Variants in CNTN4 observed in about 807,000 individuals in gnomAD.
The protein encoded by CNTN4 is contactin-4.
CNTN4 carries 77 observed loss-of-function variants against 122.5 expected under a neutral mutation model. The ratio of observed to expected loss-of-function variants is 0.63; its 90% CI spans 0.52 to 0.76. The LOEUF (loss-of-function observed/expected upper bound fraction) is 0.76, where lower values mean the gene tolerates loss of function less well. Among genes scored for constraint, CNTN4 ranks in the 30% least tolerant of loss-of-function variants. The probability of loss-of-function intolerance (pLI) is 0.00; values close to 1 mark genes in which losing one functional copy is unlikely to be tolerated. For synonymous variants in CNTN4, 512 were observed against 447.0 expected (o/e 1.15, Z -1.83); for missense variants, 1,256 against 1,259.1 (o/e 1.00, Z 0.04).
At chr3:2,473,463 C>T (rs1013970454) in intron 3 of CNTN4, among the ~76,000 whole-genome samples, 8 of 152,144 alleles carry the variant, frequency 5.3e-5, no homozygotes, top group African/African-American at 1.7e-4. Context: ...TGCTAGCCAC[C>T]TGTGTCTGTT....
chr3:2,846,024 A>G (rs548880907), intron 7 of CNTN4, among the ~76,000 whole-genome samples: 2 of 152,344 alleles, frequency 1.3e-5, no homozygotes, highest in South Asian at 4.1e-4. Flanking sequence ...TTCCTTAAGA[A>G]GGTGTGGGAG....
chr3:2,774,398 C>T lies in CNTN4; in HGVS notation c.358+28701C>T, dbSNP rs116812447. On this transcript the variant is annotated intron_variant, in intron 6 of 24. Coordinates refer to ENST00000418658, the MANE Select transcript of CNTN4 (RefSeq NM_175607.3). ...CCGCCATTGTTCCTTCTCTCTTCCA[C>T]GTCACTTTTATGTTATGGTATCTCA... 2.9e-3 allele frequency among the ~76,000 whole-genome samples: 445 copies of T among 152,264 alleles called. 1 individual carries two copies. The highest frequency in any genetic ancestry group is 0.01 in the African/African-American group (429 of 41,552).
intron 3 of CNTN4, among the ~76,000 whole-genome samples, chr3:2,427,446 A>T (rs1007804793): frequency 6.6e-6 from 1 of 152,150 alleles, no homozygotes; most frequent in African/African-American, 2.4e-5. Flanking sequence ...ACAGTTTGTT[A>T]TACTTCCTGT....
chr3:2,460,867 G>T (rs2049178980), intron 3 of CNTN4, among the ~76,000 whole-genome samples: 1 of 148,662 alleles, frequency 6.7e-6, no homozygotes. Context: ...ATAATCACTG[G>T]AAATAGTAGC....
chr3:2,150,170 C>A (rs1286974198), intron 2 of CNTN4, among the ~76,000 whole-genome samples: 3 of 152,094 alleles, frequency 2.0e-5, no homozygotes, highest in African/African-American at 4.8e-5. Context: ...AGAGCATATG[C>A]TCTAGAGCAA....
At chr3:2,925,862 G>T in intron 13 of CNTN4, 83 bp downstream of exon 13, 2 of 1,224,526 alleles carry the variant, frequency 1.6e-6, no homozygotes, top group Admixed American at 1.7e-5. Context: ...GGGGAAGGTG[G>T]GGTGACTATC....
chr3:2,978,890 G>A (rs947135102), intron 13 of CNTN4, among the ~76,000 whole-genome samples: 1 of 152,150 alleles, frequency 6.6e-6, no homozygotes, highest in East Asian at 1.9e-4. Context: ...TAAGTTAGTC[G>A]CTCACCCCTT....
At chr3:2,995,139 AG>A (rs1340358881) in intron 14 of CNTN4, among the ~76,000 whole-genome samples, 4 of 152,172 alleles carry the variant, frequency 2.6e-5, no homozygotes, top group Admixed American at 6.5e-5. Flanking sequence ...TTTCAATACT[AG>A]ATCCTGTTAG....
intron 2 of CNTN4, among the ~76,000 whole-genome samples, chr3:2,112,234 A>G (rs2033018121): frequency 6.6e-6 from 1 of 152,136 alleles, no homozygotes; most frequent in Non-Finnish European, 1.5e-5. Flanking sequence ...GCCATCCTGT[A>G]AAAGAAATGC....
chr3:2,888,169 T>G (rs944501380), intron 10 of CNTN4, among the ~76,000 whole-genome samples: 4 of 152,242 alleles, frequency 2.6e-5, no homozygotes, highest in African/African-American at 9.6e-5. Context: ...TTTTAAGATA[T>G]GACCGAAGTT....
rs114964925 is a variant in CNTN4, at chr3:2,473,360, A to G, written c.-88-98056A>G. Among the ~76,000 whole-genome samples the G allele has an allele frequency of 4.8e-3, 722 of 151,762 alleles. 6 individuals carry two copies. The highest frequency in any genetic ancestry group is 0.014 in the Middle Eastern group (4 of 292). On this transcript the variant is annotated intron_variant, in intron 3 of 24. Coordinates refer to ENST00000418658, the MANE Select transcript of CNTN4 (RefSeq NM_175607.3). ...CCTGGACTCTACCTCACTCCTTGCC[A>G]CTTTCCTTCTTCTCTACTATTCCAT...
intron 3 of CNTN4, among the ~76,000 whole-genome samples, chr3:2,346,001 C>T (rs1004329792): frequency 1.3e-5 from 2 of 152,090 alleles, no homozygotes; most frequent in Non-Finnish European, 2.9e-5. Flanking sequence ...CTTTCAGCAG[C>T]GTGTAGTTGG....
intron 2 of CNTN4, among the ~76,000 whole-genome samples, chr3:2,281,292 A>T (rs999031592): frequency 2.0e-5 from 3 of 152,102 alleles, no homozygotes; most frequent in Admixed American, 6.6e-5. Flanking sequence ...TGAAGTAGGG[A>T]TGATGACAAT....
chr3:2,635,188 C>A (rs535248945), intron 4 of CNTN4, among the ~76,000 whole-genome samples: 1 of 152,182 alleles, frequency 6.6e-6, no homozygotes, highest in East Asian at 1.9e-4. Context: ...TGTTAAAATT[C>A]CTTTCCCTCT....
intron 13 of CNTN4, among the ~76,000 whole-genome samples, chr3:2,963,586 A>G (rs368435743): frequency 6.6e-6 from 1 of 152,056 alleles, no homozygotes; most frequent in Non-Finnish European, 1.5e-5. Flanking sequence ...TCTGACCACT[A>G]CTTATCATCG....
chr3:2,212,851 C>T (rs1289387066), intron 2 of CNTN4, among the ~76,000 whole-genome samples: 1 of 152,184 alleles, frequency 6.6e-6, no homozygotes, highest in Non-Finnish European at 1.5e-5. Flanking sequence ...TCACCTTGTG[C>T]AATTCCCATA....
In CNTN4 at chr3:2,834,898, CTTTTTTT is replaced by C. The variant is rs71058653; in HGVS notation, c.454+15335_454+15341del. Among the ~76,000 whole-genome samples, 26 of 60,464 alleles carry C rather than the reference CTTTTTTT, an allele frequency of 4.3e-4. 1 individual carries two copies. The highest frequency in any genetic ancestry group is 1.9e-3 in the Admixed American group (7 of 3,640). The allele number at this position is 60,464 out of a possible 152,430, so 39.7% of individuals were successfully genotyped here. Reference sequence around the variant, plus strand: ...AAGCATTAAATTAGATAAAGGCAACCTTTTTTTTTTTTTTTTTTTTTTTTGAGACTGA... The same window carrying C: ...AAGCATTAAATTAGATAAAGGCAACCTTTTTTTTTTTTTTTTTGAGACTGA... On this transcript the variant is annotated intron_variant, in intron 7 of 24. Transcript: ENST00000418658.
chr3:2,768,983 T>C (rs1275528270), intron 6 of CNTN4, among the ~76,000 whole-genome samples: 2 of 152,192 alleles, frequency 1.3e-5, no homozygotes, highest in Admixed American at 6.5e-5. Context: ...AGTCTTTTCA[T>C]TGTACCATAT....
intron 2 of CNTN4, among the ~76,000 whole-genome samples, chr3:2,271,463 CTCTT>C (rs1048989282): frequency 2.0e-5 from 3 of 152,134 alleles, no homozygotes; most frequent in Admixed American, 6.6e-5. Flanking sequence ...TATATAATCT[CTCTT>C]TGCCTCCATT....
Sources: allele counts gnomAD v4.1 joint callset (sites outside exome capture counted in the v4.1 genomes callset), GRCh38; gene constraint gnomAD v4.1.1; transcripts MANE v1.5; gene names NCBI Gene and HGNC (gene_info 2026-07-23, HGNC 2026-07-21).